RELL1: variants seen among roughly 807,000 people sequenced by gnomAD.
RELL1 encodes RELT-like protein 1.
RELL1 carries 10 observed loss-of-function variants against 23.0 expected under a neutral mutation model. That is an observed-to-expected ratio of 0.43 (90% CI 0.27 to 0.74). The LOEUF (loss-of-function observed/expected upper bound fraction) is 0.74. RELL1 is among the 30% of genes least tolerant of loss of function. RELL1 has a pLI of 0.19. For missense variants in RELL1, 315 were observed against 364.4 expected (o/e 0.86, Z 1.10); for synonymous variants, 146 against 146.8 (o/e 0.99, Z 0.04).
intron 1 of RELL1, among the ~76,000 whole-genome samples, chr4:37,680,157 T>C (rs1296746945): frequency 6.6e-6 from 1 of 152,154 alleles, no homozygotes; most frequent in Non-Finnish European, 1.5e-5. Context: ...ATTAAAACAA[T>C]CAAGGTACCA....
intron 2 of RELL1, among the ~76,000 whole-genome samples, chr4:37,648,397 G>A (rs143796892): frequency 7.9e-5 from 12 of 152,348 alleles, no homozygotes; most frequent in South Asian, 4.1e-4. Flanking sequence ...GGCAAGGAAC[G>A]AGGAACCTCC....
downstream of RELL1, among the ~76,000 whole-genome samples, chr4:37,589,411 C>T (rs771564827): frequency 2.0e-5 from 3 of 152,142 alleles, no homozygotes; most frequent in Non-Finnish European, 4.4e-5. Flanking sequence ...TATTCAAAAA[C>T]TATGTATTGT....
intron 6 of RELL1, among the ~76,000 whole-genome samples, chr4:37,624,721 G>T (rs563355370): frequency 1.3e-5 from 2 of 152,164 alleles, no homozygotes; most frequent in African/African-American, 4.8e-5. Flanking sequence ...GAGCCACCGC[G>T]CCCAGCCGGG....
chr4:37,612,712 C>A lies in RELL1; in HGVS notation c.*634G>T. ...GACATGGTGGTGGCAGGAGTTAATG[C>A]TGAATTTGTGGTCAAGGAATCCAAA... On this transcript the variant is annotated 3_prime_UTR_variant, in exon 7 of 7. Transcript: ENST00000454158. Among the ~76,000 whole-genome samples the A allele has an allele frequency of 6.6e-6, 1 of 151,310 alleles. No homozygotes were observed. The highest frequency in any genetic ancestry group is 1.5e-5 in the Non-Finnish European group (1 of 67,970).
chr4:37,632,403 C>T lies in RELL1; in HGVS notation c.681-880G>A, dbSNP rs144090857. On this transcript the variant is annotated intron_variant, in intron 5 of 6. Coordinates refer to ENST00000454158, the MANE Select transcript of RELL1 (RefSeq NM_001085400.2). ...CCAGGCCAGTCTCAAACTCCAACCT[C>T]AGGTGATCCACCTGCCTCAGCCTCC... Among the ~76,000 whole-genome samples, 1,139 of 152,258 alleles carry T rather than the reference C, an allele frequency of 7.5e-3. 13 individuals carry two copies. Among genetic ancestry groups the T allele is most frequent in the African/African-American group, 0.026 (1,067 of 41,556 alleles).
At chr4:37,647,608 TAA>T (rs1720753888) in intron 2 of RELL1, among the ~76,000 whole-genome samples, 169 bp from the exon 3 acceptor site, 2 of 152,186 alleles carry the variant, frequency 1.3e-5, no homozygotes, top group Non-Finnish European at 1.5e-5. Flanking sequence ...TCCTAATGCA[TAA>T]CAAGCATAAA....
downstream of RELL1, chr4:37,588,860 C>T (rs375728507): frequency 3.7e-6 from 6 of 1,612,158 alleles, no homozygotes; most frequent in African/African-American, 2.7e-5. Flanking sequence ...TAACAGAAAA[C>T]AATCCAGATG....
intron 1 of RELL1, chr4:37,665,520 A>G (rs889912077): frequency 1.5e-5 from 5 of 342,834 alleles, no homozygotes; most frequent in African/African-American, 1.1e-4. Flanking sequence ...CCGAGCTTAC[A>G]CAACCTCACC....
chr4:37,613,494 A>AT (rs970702014), intron 6 of RELL1, among the ~76,000 whole-genome samples, 152 bp from the exon 7 acceptor site: 12 of 151,616 alleles, frequency 7.9e-5, no homozygotes, highest in Non-Finnish European at 1.6e-4. Context: ...ACCACTGTAC[A>AT]TTTTTTTCTA....
At chr4:37,640,630 G>C (rs925166546) in intron 3 of RELL1, among the ~76,000 whole-genome samples, 2 of 152,056 alleles carry the variant, frequency 1.3e-5, no homozygotes, top group Admixed American at 1.3e-4. Flanking sequence ...GTCATCTTTA[G>C]GTTACTTATA....
At chr4:37,632,637 T>C (rs1353403301) in intron 5 of RELL1, among the ~76,000 whole-genome samples, 1 of 152,044 alleles carries the variant, frequency 6.6e-6, no homozygotes, top group Non-Finnish European at 1.5e-5. Flanking sequence ...CTCACACATA[T>C]GCAGAAAATC....
chr4:37,624,275 G>A (rs564183528), intron 6 of RELL1, among the ~76,000 whole-genome samples: 3 of 152,134 alleles, frequency 2.0e-5, no homozygotes, highest in Non-Finnish European at 2.9e-5. Context: ...CGCTTAGGCC[G>A]AAAACGTCTC....
intron 5 of RELL1, among the ~76,000 whole-genome samples, chr4:37,633,987 C>G (rs1258071960): frequency 3.9e-5 from 6 of 152,224 alleles, no homozygotes; most frequent in African/African-American, 1.4e-4. Flanking sequence ...TCAGTGCTCA[C>G]CCGGTCTCAC....
intron 1 of RELL1, among the ~76,000 whole-genome samples, chr4:37,660,633 T>C (rs965123070): frequency 6.6e-6 from 1 of 152,290 alleles, no homozygotes; most frequent in East Asian, 1.9e-4. Flanking sequence ...GGAAGTCACA[T>C]CATTTAGAGT....
chr4:37,627,395 G>A (rs1719989535), intron 6 of RELL1, among the ~76,000 whole-genome samples: 1 of 152,142 alleles, frequency 6.6e-6, no homozygotes, highest in African/African-American at 2.4e-5. Context: ...TAACTTTGAA[G>A]AACAAAAGCT....
intron 6 of RELL1, among the ~76,000 whole-genome samples, chr4:37,622,427 T>C (rs1305664374): frequency 6.6e-6 from 1 of 152,256 alleles, no homozygotes; most frequent in Non-Finnish European, 1.5e-5. Flanking sequence ...GATTTATTTT[T>C]GGGATTTATT....
intron 1 of RELL1, among the ~76,000 whole-genome samples, chr4:37,665,915 T>C (rs1347165428): frequency 6.6e-6 from 1 of 151,830 alleles, no homozygotes; most frequent in Non-Finnish European, 1.5e-5. Context: ...ACTAATCACA[T>C]GGGGAAAAAA....
intron 1 of RELL1, among the ~76,000 whole-genome samples, chr4:37,650,596 A>C (rs558693866): frequency 1.3e-5 from 2 of 152,292 alleles, no homozygotes; most frequent in South Asian, 4.1e-4. Flanking sequence ...TTATGACTTC[A>C]AGAATAGGGA....
intron 6 of RELL1, among the ~76,000 whole-genome samples, chr4:37,598,078 A>ATATATATATATATATATAT (rs1553870664): frequency 8.7e-5 from 11 of 126,752 alleles, no homozygotes; most frequent in Admixed American, 5.8e-4. Context: ...TATATATCAT[A>ATATATATATATATATATAT]ATATATATAT....
Sources: allele counts gnomAD v4.1 joint callset (sites outside exome capture counted in the v4.1 genomes callset), GRCh38; gene constraint gnomAD v4.1.1; transcripts MANE v1.5; gene names NCBI Gene and HGNC (gene_info 2026-07-23, HGNC 2026-07-21).